The following BARD1 variants were observed in gnomAD, a reference collection of about 807,000 sequenced individuals.
The protein encoded by BARD1 is BRCA1 associated RING domain 1, also known as BRCA1-associated RING domain protein 1.
BARD1 carries 73 observed loss-of-function variants against 77.0 expected under a neutral mutation model. The ratio of observed to expected loss-of-function variants is 0.95; its 90% CI spans 0.79 to 1.15. The LOEUF is 1.15. Among genes scored for constraint, BARD1 ranks in the 50% most tolerant of loss-of-function variants. The probability of loss-of-function intolerance (pLI) is 0.00; values close to 1 mark genes in which losing one functional copy is unlikely to be tolerated. For missense variants in BARD1, 993 were observed against 938.8 expected, an observed-to-expected ratio of 1.06 and a Z score of -0.75; for synonymous variants, 384 against 338.0, an observed-to-expected ratio of 1.14 and a Z score of -1.49.
intron 2 of BARD1, among the ~76,000 whole-genome samples, chr2:214,794,094 A>C (rs1270803030): frequency 6.6e-6 from 1 of 151,914 alleles, no homozygotes; most frequent in Non-Finnish European, 1.5e-5. Context: ...TCTACAAAAA[A>C]CTACAAAAAT....
At position 214,728,257 on chromosome 2, in the gene BARD1, ATTGT is replaced by A. The variant is rs1187996545; in HGVS notation, c.*415_*418del. 2 of 233,588 alleles carry A rather than the reference ATTGT, an allele frequency of 8.6e-6. No individual in the cohort carries two copies. The highest frequency in any genetic ancestry group is 1.7e-5 in the Non-Finnish European group (2 of 119,736). 14.5% of individuals were successfully genotyped at this position (233,588 alleles called of 1,614,324 possible). On this transcript the variant is annotated 3_prime_UTR_variant, in exon 11 of 11. Coordinates refer to ENST00000260947, the MANE Select transcript of BARD1 (RefSeq NM_000465.4). ...TCTTTTTTCAATAAAGCCAAAATAA[ATTGT>A]TTGATAATATTCTGTTTACTAAAAA...
At position 214,780,727 on chromosome 2, in the gene BARD1, T is replaced by A. The variant is rs761516178; in HGVS notation, c.1147A>T (p.Met383Leu). ...GGTSGRKNSN[M>L]SDEFISLSPG... ...GAAAGACTAATGAATTCATCGGACATGTTACTGTTTTTCCTCCCTGATGTA... is the reference window on the plus strand; with the variant it reads ...GAAAGACTAATGAATTCATCGGACAAGTTACTGTTTTTCCTCCCTGATGTA... The change falls in exon 4 of 11, where the codon ATG (methionine) becomes TTG (leucine). Residue 383 changes from methionine to leucine, a missense_variant. Physicochemically the swap from Met to Leu is conservative, Grantham distance 15 (BLOSUM62 2). Coordinates refer to ENST00000260947, the MANE Select transcript of BARD1 (RefSeq NM_000465.4). The A allele has an allele frequency of 1.9e-6, 3 of 1,614,072 alleles. No homozygotes were observed. The South Asian group carries it at 3.3e-5, about 18-fold the overall frequency.
At chr2:214,771,218 C>T (rs993383641) in intron 4 of BARD1, among the ~76,000 whole-genome samples, 2 of 152,092 alleles carry the variant, frequency 1.3e-5, no homozygotes, top group East Asian at 3.9e-4. Flanking sequence ...TCTAGCAGAG[C>T]ATACTCTCAA....
intron 3 of BARD1, among the ~76,000 whole-genome samples, chr2:214,782,910 G>A (rs1695106166): frequency 6.6e-6 from 1 of 152,160 alleles, no homozygotes; most frequent in South Asian, 2.1e-4. Context: ...TATTGGCTCT[G>A]ACAAGTGTTA....
Position 214,726,688 on chromosome 2 carries a change from T to C in BARD1, c.*1988A>G, listed in dbSNP as rs1247922285. The C allele has an allele frequency of 8.8e-6, 2 of 228,568 alleles. No individual in the cohort carries two copies. Among genetic ancestry groups the C allele is most frequent in the African/African-American group, 2.2e-5 (1 of 44,766 alleles). 14.2% of individuals were successfully genotyped at this position (228,568 alleles called of 1,614,324 possible). Reference sequence around the variant, plus strand: ...TAAAAAAGAAGGAAGCTTGAATCTATGATTGAAAAATAAAAAATAATTACA... The same window carrying C: ...TAAAAAAGAAGGAAGCTTGAATCTACGATTGAAAAATAAAAAATAATTACA... On this transcript the variant is annotated 3_prime_UTR_variant, in exon 11 of 11. Coordinates refer to ENST00000260947, the MANE Select transcript of BARD1 (RefSeq NM_000465.4).
At chr2:214,763,673 G>A (rs1405732729) in intron 6 of BARD1, among the ~76,000 whole-genome samples, 1 of 152,170 alleles carries the variant, frequency 6.6e-6, no homozygotes, top group Non-Finnish European at 1.5e-5. Context: ...TTCAGGCCTG[G>A]TTATTGAGAA....
In BARD1 at chr2:214,728,742, C is replaced by A; in HGVS notation, c.2268G>T (p.Trp756Cys). The A allele has an allele frequency of 6.2e-7, 1 of 1,614,182 alleles. No individual in the cohort carries two copies. Residue 756 changes from tryptophan to cysteine, a missense_variant, in exon 11 of 11, where the codon TGG (tryptophan) becomes TGT (cysteine). Coordinates refer to ENST00000260947, the MANE Select transcript of BARD1 (RefSeq NM_000465.4). ...HPERVRQGKVWKAPSSWFIDC... is the reference protein window; with the variant it reads ...HPERVRQGKVCKAPSSWFIDC... Reference sequence around the variant, plus strand: ...CTATAAACCAGCTCGAAGGAGCCTTCCAGACTTTGCCCTGCCGAACCCTCT... The same window carrying A: ...CTATAAACCAGCTCGAAGGAGCCTTACAGACTTTGCCCTGCCGAACCCTCT...
At chr2:214,782,466 A>T (rs975165305) in intron 3 of BARD1, among the ~76,000 whole-genome samples, 11 of 151,572 alleles carry the variant, frequency 7.3e-5, no homozygotes, top group African/African-American at 2.4e-4. Flanking sequence ...GAAAATATAT[A>T]TTTTTTCTAC....
chr2:214,741,622 A>C (rs1692833362), intron 9 of BARD1, among the ~76,000 whole-genome samples: 1 of 152,168 alleles, frequency 6.6e-6, no homozygotes, highest in Non-Finnish European at 1.5e-5. Flanking sequence ...ACTAAAGTAG[A>C]GTCTCCCTCA....
chr2:214,783,494 T>G (rs530429678), intron 3 of BARD1, among the ~76,000 whole-genome samples: 1 of 152,162 alleles, frequency 6.6e-6, no homozygotes, highest in South Asian at 2.1e-4. Flanking sequence ...TTCTCACTTA[T>G]AAGTGGAAGT....
intron 9 of BARD1, among the ~76,000 whole-genome samples, chr2:214,744,847 G>A (rs1057227569): frequency 6.6e-6 from 1 of 152,078 alleles, no homozygotes; most frequent in Non-Finnish European, 1.5e-5. Context: ...TAGCCAGGAT[G>A]ATCTCGATCT....
At chr2:214,755,999 C>T (rs745319764) in intron 6 of BARD1, among the ~76,000 whole-genome samples, 1 of 152,124 alleles carries the variant, frequency 6.6e-6, no homozygotes, top group Non-Finnish European at 1.5e-5. Flanking sequence ...CTTTTAATGC[C>T]TTATCAACGG....
chr2:214,737,074 A>C (rs1437234389), intron 9 of BARD1, among the ~76,000 whole-genome samples: 2 of 152,044 alleles, frequency 1.3e-5, no homozygotes, highest in African/African-American at 4.8e-5. Flanking sequence ...AAATCTCTAG[A>C]ATTTTTTCAA....
rs730881426 is a variant in BARD1, at chr2:214,728,716, T to C, written c.2294A>G (p.Asp765Gly). 1.9e-5 allele frequency: 31 copies of C among 1,614,022 alleles called. No individual in the cohort carries two copies. Among genetic ancestry groups the C allele is most frequent in the Non-Finnish European group, 2.6e-5 (31 of 1,180,016 alleles). The change falls in exon 11 of 11, where the codon GAC (aspartate) becomes GGC (glycine). Residue 765 changes from aspartate to glycine, a missense_variant. Transcript: ENST00000260947. The part of the protein sequence containing the change: ...VWKAPSSWFI[D>G]CVMSFELLPL... Reference sequence around the variant, plus strand: ...AAGCAACTCAAAGGACATCACACAGTCTATAAACCAGCTCGAAGGAGCCTT... The same window carrying C: ...AAGCAACTCAAAGGACATCACACAGCCTATAAACCAGCTCGAAGGAGCCTT...
chr2:214,760,429 G>A (rs1451317099), intron 6 of BARD1, among the ~76,000 whole-genome samples: 1 of 152,150 alleles, frequency 6.6e-6, no homozygotes, highest in Admixed American at 6.5e-5. Context: ...CTGACCTCAA[G>A]TGATCCACCC....
chr2:214,799,773 A>T (rs1408951627), intron 1 of BARD1, among the ~76,000 whole-genome samples: 1 of 152,030 alleles, frequency 6.6e-6, no homozygotes, highest in Non-Finnish European at 1.5e-5. Context: ...CCCTTTCTTG[A>T]ACAGATAAAA....
intron 6 of BARD1, among the ~76,000 whole-genome samples, chr2:214,759,532 G>A (rs933863614): frequency 1.3e-5 from 2 of 151,522 alleles, no homozygotes; most frequent in East Asian, 1.9e-4. Context: ...GCTCACAAAA[G>A]GTACTTTTTT....
chr2:214,731,072 T>G (rs767668822), intron 9 of BARD1: 58 of 297,268 alleles, frequency 2.0e-4, no homozygotes, highest in Admixed American at 1.1e-3. Context: ...TTGGGATAGG[T>G]TTGGCATGTG....
intron 9 of BARD1, among the ~76,000 whole-genome samples, chr2:214,735,482 G>T (rs1160057156): frequency 6.6e-6 from 1 of 152,092 alleles, no homozygotes; most frequent in Non-Finnish European, 1.5e-5. Context: ...AAAAATTTTA[G>T]CAAGTAAGAA....
Sources: gnomAD v4.1 joint callset for allele counts (sites outside exome capture counted in the v4.1 genomes callset) on GRCh38, gnomAD v4.1.1 for gene constraint, MANE v1.5 for transcripts, NCBI Gene and HGNC (gene_info 2026-07-23, HGNC 2026-07-21) for gene names.